The following DHRS1 variants were observed in gnomAD, a reference collection of about 807,000 sequenced individuals.
DHRS1 encodes the protein dehydrogenase/reductase SDR family member 1.
Under a neutral mutation model 35.2 loss-of-function variants are expected in DHRS1, and 34 were observed. The observed-to-expected ratio is 0.97, with a 90% CI of 0.74 to 1.29. The LOEUF is 1.29. Ranked by LOEUF, DHRS1 falls within the 50% of genes most tolerant of loss-of-function variation. The pLI is 0.00. For missense variants in DHRS1, 354 were observed against 403.6 expected (o/e 0.88, Z 1.05); for synonymous variants, 133 against 160.0 (o/e 0.83, Z 1.27).
chr14:24,298,770 T>C, intron 2 of DHRS1, 187 bp downstream of exon 2: 10 of 790,290 alleles, frequency 1.3e-5, no homozygotes, highest in Non-Finnish European at 9.2e-6. Context: ...TTCATAAAAC[T>C]CACTTGGCGG....
chr14:24,296,788 G>A lies in DHRS1; in HGVS notation c.244C>T (p.Gln82Ter), dbSNP rs2295305. ...ACCAGCACATCTAGACGCCCTTGCTGTTCCCGATCCACTTGCTCAAACAGG... is the reference window on the plus strand; with the variant it reads ...ACCAGCACATCTAGACGCCCTTGCTATTCCCGATCCACTTGCTCAAACAGG... ...RSLFEQVDREQQGRLDVLVNN... is the reference protein window; with the variant it reads ...RSLFEQVDRE The change falls in exon 3 of 9, where the codon CAG becomes TAG. Residue 82 changes from glutamine to a stop codon, truncating the protein, a stop_gained. Coordinates refer to ENST00000288111, the MANE Select transcript of DHRS1 (RefSeq NM_001136050.3). LOFTEE classifies it high-confidence loss of function. 5.9e-5 allele frequency: 95 copies of A among 1,614,120 alleles called. No individual in the cohort carries two copies. In the East Asian group the frequency reaches 1.9e-3, roughly 33 times the overall value.
rs45530039 is a variant in DHRS1 at position 24,299,402 on chromosome 14, T to C, written c.-25+179A>G. On this transcript the variant is annotated intron_variant, in intron 1 of 8. Transcript: ENST00000288111. ...AACCCTCTGAGTGTGGCTGCCTGGA[T>C]ATGGGAATCTGGCGCGGCAGCCCCT... 1,559 of 297,832 alleles carry C rather than the reference T, an allele frequency of 5.2e-3. 8 individuals carry two copies. Among genetic ancestry groups the C allele is most frequent in the Middle Eastern group, 0.011 (11 of 1,046 alleles). 18.4% of individuals were successfully genotyped at this position (297,832 alleles called of 1,614,324 possible).
At position 24,290,900 on chromosome 14, in the gene DHRS1, C is replaced by T. The variant is rs753986930; in HGVS notation, c.901G>A (p.Val301Met). Reference protein sequence around the residue: ...LASYLPSFLRVPKWIIALYTS... With the variant: ...LASYLPSFLRMPKWIIALYTS... ...TAGAGGGCAATAATCCACTTGGGCA[C>T]ACGGAGGAAGGAGGGCAGGTAGGAG... is the stretch of plus-strand genomic sequence containing the variant. The change falls in exon 9 of 9, where the codon GTG (valine) becomes ATG (methionine). Residue 301 changes from valine to methionine, a missense_variant. Val to Met is a conservative substitution (Grantham distance 21). Coordinates refer to ENST00000288111, the MANE Select transcript of DHRS1 (RefSeq NM_001136050.3). The T allele has an allele frequency of 6.2e-7, 1 of 1,613,740 alleles. No homozygotes were observed. The highest frequency in any genetic ancestry group is 1.7e-5 in the Admixed American group (1 of 59,970).
chr14:24,299,506 G>A, intron 1 of DHRS1, 75 bp downstream of exon 1: 2 of 209,964 alleles, frequency 9.5e-6, no homozygotes, highest in South Asian at 1.3e-4. Flanking sequence ...AGCCAGAGGC[G>A]CAGCTTCCGG....
chr14:24,290,761 T>TA lies in DHRS1; in HGVS notation c.*97dup. 1 of 1,487,922 alleles carries TA rather than the reference T, an allele frequency of 6.7e-7. No homozygotes were observed. The highest frequency in any genetic ancestry group is 9.3e-7 in the Non-Finnish European group (1 of 1,078,906). 92.2% of individuals were successfully genotyped at this position (1,487,922 alleles called of 1,614,324 possible). On this transcript the variant is annotated 3_prime_UTR_variant, in exon 9 of 9. Transcript: ENST00000288111. ...AGAGGGCTTCTCTTCATATCAAGGG[T>TA]ATGGGTAAACAAGAAAGGCTGCTGT...
intron 4 of DHRS1, among the ~76,000 whole-genome samples, chr14:24,294,836 C>T (rs1174771471): frequency 6.6e-6 from 1 of 152,114 alleles, no homozygotes. Flanking sequence ...ATTAAAACCC[C>T]TTTATATATT....
At position 24,290,937 on chromosome 14, in the gene DHRS1, C is replaced by T. The variant is rs769461700; in HGVS notation, c.864G>A (p.Leu288=). The part of the protein sequence containing the change: ...LSSVLSHVSG[L]GWLASYLPSF... ...AGGGCAGGTAGGAGGCCAGCCAGCC[C>T]AGGCCGGACACGTGTGAGAGAACAG... The change falls in exon 9 of 9, where the codon CTG becomes CTA. Residue 288 remains leucine, a synonymous_variant. Coordinates refer to ENST00000288111, the MANE Select transcript of DHRS1 (RefSeq NM_001136050.3). The T allele has an allele frequency of 1.9e-5, 31 of 1,614,030 alleles. No individual in the cohort carries two copies. Among genetic ancestry groups the T allele is most frequent in the Non-Finnish European group, 2.6e-5 (31 of 1,180,008 alleles).
chr14:24,299,350 G>A, intron 1 of DHRS1: 2 of 504,340 alleles, frequency 4.0e-6, no homozygotes, highest in Admixed American at 3.4e-5. Flanking sequence ...GGCTGAGTGG[G>A]ACTGTCCAGA....
chr14:24,290,610 T>C lies in DHRS1; in HGVS notation c.*249A>G, dbSNP rs1018514276. On this transcript the variant is annotated 3_prime_UTR_variant, in exon 9 of 9. Transcript: ENST00000288111. ...AGTCAAAAACACATTGAAAGAGAAA[T>C]GAGACTTTTATTAGCTCCAAGAGCA... 1.2e-4 allele frequency: 52 copies of C among 451,348 alleles called. No individual in the cohort carries two copies. The highest frequency in any genetic ancestry group is 1.9e-4 in the Non-Finnish European group (48 of 251,012). The allele number at this position is 451,348 out of a possible 1,614,324, so 28.0% of individuals were successfully genotyped here.
intron 4 of DHRS1, chr14:24,294,738 A>G (rs2041219915): frequency 6.6e-6 from 1 of 152,254 alleles, no homozygotes; most frequent in Non-Finnish European, 1.5e-5. Context: ...AATTAATGCG[A>G]AAGTCAAAGA....
intron 1 of DHRS1, 127 bp from the exon 2 acceptor site, chr14:24,299,257 G>T: frequency 1.1e-6 from 1 of 911,266 alleles, no homozygotes; most frequent in Non-Finnish European, 1.6e-6. Flanking sequence ...CCTTTGAGGG[G>T]AGAGGAGTCA....
chr14:24,291,034 C>T (rs772476732), intron 8 of DHRS1, 39 bp from the exon 9 acceptor site: 57 of 1,613,434 alleles, frequency 3.5e-5, no homozygotes, highest in Non-Finnish European at 4.6e-5. Context: ...ATTCTCATTT[C>T]CCACTCCTCA....
chr14:24,291,551 T>C lies in DHRS1; in HGVS notation c.724+5A>G. The C allele has an allele frequency of 6.2e-7, 1 of 1,614,148 alleles. No individual in the cohort carries two copies. Among genetic ancestry groups the C allele is most frequent in the Non-Finnish European group, 8.5e-7 (1 of 1,180,006 alleles). Reference sequence around the variant, plus strand: ...TTCTTATTACCAGCTGCCCCCAAACTTCACCTGTTGCCAAAGCCACCACAC... The same window carrying C: ...TTCTTATTACCAGCTGCCCCCAAACCTCACCTGTTGCCAAAGCCACCACAC... On this transcript the variant is annotated splice_donor_5th_base_variant and intron_variant, in intron 7 of 8. Coordinates refer to ENST00000288111, the MANE Select transcript of DHRS1 (RefSeq NM_001136050.3).
intron 7 of DHRS1, 129 bp downstream of exon 7, chr14:24,291,427 G>A: frequency 8.7e-7 from 1 of 1,146,654 alleles, no homozygotes; most frequent in South Asian, 1.2e-5. Flanking sequence ...TGACCCCTTG[G>A]GCCTCAAAAA....
intron 1 of DHRS1, 198 bp from the exon 2 acceptor site, chr14:24,299,328 G>T (rs12892419): frequency 0.41 from 218,589 of 537,212 alleles, 51,411 homozygotes; most frequent in Middle Eastern, 0.51. Context: ...GAGGCCCAGA[G>T]AGTGAAGAAG....
chr14:24,291,203 G>A lies in DHRS1; in HGVS notation c.741C>T (p.Ser247=), dbSNP rs1440795337. 1.2e-6 allele frequency: 2 copies of A among 1,614,132 alleles called. No individual in the cohort carries two copies. The highest frequency in any genetic ancestry group is 1.6e-4 in the Middle Eastern group (1 of 6,062). The change falls in exon 8 of 9, where the codon AGC becomes AGT. Residue 247 remains serine (S), a synonymous_variant. Transcript: ENST00000288111. ...VALATDPNIL[S]LSGKVLPSCD... ...AGGATGGCAGCACCTTACCACTCAG[G>A]CTCAGGATATTGGGATCTGCGGGCA... is the stretch of plus-strand genomic sequence containing the variant.
chr14:24,292,424 C>T (rs1423451067), intron 5 of DHRS1, 94 bp from the exon 6 acceptor site: 67 of 1,556,600 alleles, frequency 4.3e-5, no homozygotes, highest in Non-Finnish European at 5.7e-5. Context: ...TCCACCCACC[C>T]TGTCCTTCCC....
chr14:24,298,249 G>T (rs1260054734), intron 2 of DHRS1, among the ~76,000 whole-genome samples: 1 of 152,120 alleles, frequency 6.6e-6, no homozygotes, highest in African/African-American at 2.4e-5. Flanking sequence ...ACTGGGTCTA[G>T]CTATGTTGCC....
intron 4 of DHRS1, chr14:24,293,727 G>A (rs1190954708): frequency 1.3e-5 from 2 of 151,798 alleles, no homozygotes; most frequent in African/African-American, 4.8e-5. Context: ...GGTGGCTTAT[G>A]CCTGTAATCC....
Sources: gnomAD v4.1 joint callset for allele counts (sites outside exome capture counted in the v4.1 genomes callset) on GRCh38, gnomAD v4.1.1 for gene constraint, MANE v1.5 for transcripts, NCBI Gene and HGNC (gene_info 2026-07-23, HGNC 2026-07-21) for gene names.